Variants in FER1L5 observed in about 807,000 individuals in gnomAD.
The protein encoded by FER1L5 is fer-1-like protein 5.
A neutral mutation model predicts 279.9 loss-of-function variants in FER1L5; 187 were observed. The ratio of observed to expected loss-of-function variants is 0.67; its 90% confidence interval spans 0.59 to 0.75. The LOEUF (loss-of-function observed/expected upper bound fraction) is 0.75, where lower values mean the gene tolerates loss of function less well. Among genes scored for constraint, FER1L5 ranks in the 30% least tolerant of loss-of-function variants. The pLI is 0.00. For missense variants in FER1L5, 2,091 were observed against 2,594.4 expected (o/e 0.81, Z 4.21); for synonymous variants, 921 against 989.7 (o/e 0.93, Z 1.30).
At position 96,642,799 on chromosome 2, in the gene FER1L5, G is replaced by A; in HGVS notation, c.-38G>A. The A allele has an allele frequency of 6.5e-6, 10 of 1,543,652 alleles. No homozygotes were observed. Among genetic ancestry groups the A allele is most frequent in the Non-Finnish European group, 7.9e-6 (9 of 1,142,294 alleles). ...GGAGCTCCAAAAAGGAAGCTGTGGC[G>A]CTGCGTAGGGAAGGAGGGAAGAAAG... On this transcript the variant is annotated 5_prime_UTR_variant, in exon 1 of 53. Transcript: ENST00000624922.
intron 13 of FER1L5, 134 bp from the exon 14 acceptor site, chr2:96,663,305 T>G: frequency 1.3e-6 from 1 of 779,002 alleles, no homozygotes; most frequent in Middle Eastern, 2.9e-4. Context: ...GCAGGTGTCT[T>G]GAGAGCAGGG....
chr2:96,689,877 G>C lies in FER1L5; in HGVS notation c.2640+119G>C. The C allele has an allele frequency of 1.2e-6, 1 of 845,732 alleles. No individual in the cohort carries two copies. Among genetic ancestry groups the C allele is most frequent in the Non-Finnish European group, 1.8e-6 (1 of 552,040 alleles). The allele number at this position is 845,732 out of a possible 1,614,324, so 52.4% of individuals were successfully genotyped here. On this transcript the variant is annotated intron_variant, in intron 26 of 52. Transcript: ENST00000624922. The surrounding 1 kb of genome is among the most constrained non-coding windows in gnomAD (Gnocchi z 4.6). ...AGCCCTATGCCCTGCACTATGTGTGGGGCCCCGGGTGAGCGCACCAGCCCT... is the reference window on the plus strand; with the variant it reads ...AGCCCTATGCCCTGCACTATGTGTGCGGCCCCGGGTGAGCGCACCAGCCCT...
intron 14 of FER1L5, among the ~76,000 whole-genome samples, chr2:96,666,355 T>C (rs537706860): frequency 2.4e-4 from 37 of 151,618 alleles, no homozygotes; most frequent in Admixed American, 1.8e-3. Context: ...CTGGATGCCT[T>C]CTGGTGCCGA....
Position 96,661,653 on chromosome 2 carries a change from C to T in FER1L5, c.895-15C>T, listed in dbSNP as rs1471580135. ...CCCCATTACCTTGACTATATCAGCTCTCTGGTCTCTCCAGATAGATCAAAA... is the reference window on the plus strand; with the variant it reads ...CCCCATTACCTTGACTATATCAGCTTTCTGGTCTCTCCAGATAGATCAAAA... On this transcript the variant is annotated splice_polypyrimidine_tract_variant and intron_variant, in intron 11 of 52. Coordinates refer to ENST00000624922, the MANE Select transcript of FER1L5 (RefSeq NM_001293083.2). The T allele has an allele frequency of 1.9e-6, 3 of 1,551,592 alleles. No individual in the cohort carries two copies. Among genetic ancestry groups the T allele is most frequent in the African/African-American group, 2.7e-5 (2 of 73,060 alleles).
In FER1L5 at chr2:96,691,370, C is replaced by A; in HGVS notation, c.2907+17C>A. On this transcript the variant is annotated intron_variant, in intron 28 of 52. Transcript: ENST00000624922. The surrounding 1 kb of genome is among the most constrained non-coding windows in gnomAD (Gnocchi z 6.0). ...CTGCAGCTGGTGAGGGGTCGACGGG[C>A]GCCCTGGCTGGGACTGCGGGCAGGG... 2 of 1,545,300 alleles carry A rather than the reference C, an allele frequency of 1.3e-6. No individual in the cohort carries two copies. Among genetic ancestry groups the A allele is most frequent in the Non-Finnish European group, 8.7e-7 (1 of 1,143,146 alleles).
intron 35 of FER1L5, 33 bp downstream of exon 35, chr2:96,695,694 C>T: frequency 6.2e-7 from 1 of 1,607,112 alleles, no homozygotes; most frequent in Non-Finnish European, 8.5e-7. Flanking sequence ...CTGGGCAGCC[C>T]TCTTCTTCTG....
chr2:96,658,339 CAG>C (rs2075683380), intron 9 of FER1L5, among the ~76,000 whole-genome samples: 1 of 126,192 alleles, frequency 7.9e-6, no homozygotes, highest in Non-Finnish European at 1.7e-5. Flanking sequence ...TTTTTTGAGA[CAG>C]AGTCTTGCTC....
In FER1L5 at chr2:96,689,517, A is replaced by C; in HGVS notation, c.2526-127A>C. ...GTGCACCAGGCCAAGGGCCCTGCCC[A>C]CCACCCTGTCCTGCCCAGAGCAGGT... is the stretch of plus-strand genomic sequence containing the variant. On this transcript the variant is annotated intron_variant, in intron 25 of 52. Transcript: ENST00000624922. This position sits in a 1 kb window ranked among gnomAD's most constrained non-coding sequence, Gnocchi z 4.6. The C allele has an allele frequency of 6.9e-7, 1 of 1,447,642 alleles. No individual in the cohort carries two copies. The allele number at this position is 1,447,642 out of a possible 1,614,324, so 89.7% of individuals were successfully genotyped here. A position where few individuals can be genotyped will look rare whatever the true frequency, so the allele number is the denominator to read the frequency against.
At position 96,690,589 on chromosome 2, in the gene FER1L5, G is replaced by C; in HGVS notation, c.2743G>C (p.Gly915Arg). Residue 915 changes from glycine to arginine, a missense_variant and splice_region_variant, in exon 27 of 53, where the codon GGC becomes CGC. Gly to Arg is a moderately radical substitution (Grantham distance 125). Transcript: ENST00000624922. ...VELNHAVDSK[G>R]WEYGVGIPPS... ...GCTGAACCACGCAGTGGACAGTAAG[G>C]GTCAGTCGTTTGGTCAGGGTTGGGA... 6.4e-7 allele frequency: 1 copy of C among 1,551,502 alleles called. No homozygotes were observed. The highest frequency in any genetic ancestry group is 8.7e-7 in the Non-Finnish European group (1 of 1,146,840).
chr2:96,663,466 G>A lies in FER1L5; in HGVS notation c.1099G>A (p.Asp367Asn), dbSNP rs758909332. 2.9e-4 allele frequency: 456 copies of A among 1,551,460 alleles called. No individual in the cohort carries two copies. Among genetic ancestry groups the A allele is most frequent in the Non-Finnish European group, 3.8e-4 (435 of 1,146,950 alleles). Residue 367 changes from aspartate to asparagine, a missense_variant, in exon 14 of 53, where the codon GAC becomes AAC. By Grantham distance (23) the Asp-to-Asn change is conservative (BLOSUM62 1). Coordinates refer to ENST00000624922, the MANE Select transcript of FER1L5 (RefSeq NM_001293083.2). ...CAGGACACACATGCAGACCCAAACC[G>A]ACAACCCGATATGGAACCAGATCCT... is the stretch of plus-strand genomic sequence containing the variant. ...KLRTHMQTQT[D>N]NPIWNQILTF...
chr2:96,669,458 A>G (rs1016033994), intron 17 of FER1L5, among the ~76,000 whole-genome samples: 2 of 152,196 alleles, frequency 1.3e-5, no homozygotes, highest in African/African-American at 4.8e-5. Flanking sequence ...GAGGTTATTC[A>G]GGAATGGCGG....
intron 19 of FER1L5, among the ~76,000 whole-genome samples, chr2:96,682,520 C>A (rs540796288): frequency 6.6e-6 from 1 of 152,236 alleles, no homozygotes; most frequent in South Asian, 2.1e-4. Context: ...TATACAGGAG[C>A]GGAGTTGATG....
chr2:96,693,113 T>A (rs1325270934), intron 31 of FER1L5, among the ~76,000 whole-genome samples: 1 of 150,444 alleles, frequency 6.6e-6, no homozygotes, highest in Non-Finnish European at 1.5e-5. Context: ...GAGGCAGAGG[T>A]TGCAGTGAGC....
At chr2:96,659,426 T>A (rs1393911296) in intron 9 of FER1L5, among the ~76,000 whole-genome samples, 3 of 13,388 alleles carry the variant, frequency 2.2e-4, no homozygotes, top group Middle Eastern at 0.02. Context: ...TCTTTCTTTC[T>A]TTCTTTCTTT....
rs1372000764 is a variant in FER1L5, at chr2:96,698,727, G to A, written c.4413G>A (p.Leu1471=). 2 of 1,581,116 alleles carry A rather than the reference G, an allele frequency of 1.3e-6. No individual in the cohort carries two copies. The highest frequency in any genetic ancestry group is 1.7e-6 in the Non-Finnish European group (2 of 1,164,254). ...ATCCAGAAGCCCCAAAGCCCCCGCT[G>A]CAGTTCTTGGTTTGGCCAGAGAGAG... ...PENPEAPKPP[L]QFLVWPERED... The change falls in exon 41 of 53, where the codon CTG becomes CTA. Residue 1471 remains leucine (L), a synonymous_variant. Transcript: ENST00000624922. The surrounding 1 kb of genome is among the most constrained non-coding windows in gnomAD (Gnocchi z 5.5).
chr2:96,659,634 GGGGC>G (rs1269997571), intron 9 of FER1L5, among the ~76,000 whole-genome samples: 1 of 150,690 alleles, frequency 6.6e-6, no homozygotes, highest in African/African-American at 2.4e-5. Context: ...TGAGACTACA[GGGGC>G]CCGCCACCAC....
intron 32 of FER1L5, 58 bp from the exon 33 acceptor site, chr2:96,693,853 A>T: frequency 6.7e-7 from 1 of 1,495,316 alleles, no homozygotes; most frequent in Non-Finnish European, 8.9e-7. Context: ...TGAGAAGCCC[A>T]GACAGAGCTG....
intron 14 of FER1L5, among the ~76,000 whole-genome samples, chr2:96,664,198 A>G (rs2076050768): frequency 6.6e-6 from 1 of 151,904 alleles, no homozygotes; most frequent in African/African-American, 2.4e-5. Context: ...GAGGGAAGGA[A>G]GGAAGGAAGA....
chr2:96,664,609 C>T (rs186285102), intron 14 of FER1L5, among the ~76,000 whole-genome samples: 45 of 152,208 alleles, frequency 3.0e-4, no homozygotes, highest in African/African-American at 9.4e-4. Flanking sequence ...TGAACATTTC[C>T]GGTTTGGGGC....
Sources: allele counts gnomAD v4.1 joint callset (sites outside exome capture counted in the v4.1 genomes callset), GRCh38; gene constraint gnomAD v4.1.1; non-coding constraint Gnocchi (gnomAD v3.1); transcripts MANE v1.5; gene names NCBI Gene and HGNC (gene_info 2026-07-23, HGNC 2026-07-21).